The following PRKN variants were observed in gnomAD, a reference collection of about 807,000 sequenced individuals.
The protein encoded by PRKN is E3 ubiquitin-protein ligase parkin.
In PRKN, 56 loss-of-function variants were observed where a neutral mutation model predicts 59.5. That is an observed-to-expected ratio of 0.94 (90% CI 0.76 to 1.18). The LOEUF (loss-of-function observed/expected upper bound fraction) is 1.18. PRKN is among the 50% of genes most tolerant of loss of function. PRKN has a pLI of 0.00. For synonymous variants in PRKN, 250 were observed against 222.1 expected (o/e 1.13, Z -1.12); for missense variants, 657 against 596.4 (o/e 1.10, Z -1.06).
chr6:161,841,478 T>G (rs1792985122), intron 6 of PRKN, among the ~76,000 whole-genome samples: 1 of 152,016 alleles, frequency 6.6e-6, no homozygotes, highest in African/African-American at 2.4e-5. Context: ...GCCTCCTGAG[T>G]AGCTGGGATT....
At chr6:162,671,792 C>CA (rs1779330324) in intron 1 of PRKN, among the ~76,000 whole-genome samples, 1 of 150,840 alleles carries the variant, frequency 6.6e-6, no homozygotes, top group South Asian at 2.1e-4. Flanking sequence ...AATATAAAAA[C>CA]AAAAATATTA....
intron 2 of PRKN, among the ~76,000 whole-genome samples, chr6:162,399,785 GA>G (rs199883436): frequency 7.5e-5 from 11 of 145,740 alleles, no homozygotes; most frequent in Admixed American, 6.8e-4. Context: ...AGGAACAACT[GA>G]AAAAAAAATA....
chr6:162,491,269 CAAA>C (rs1415926992), intron 1 of PRKN, among the ~76,000 whole-genome samples: 3 of 76,010 alleles, frequency 3.9e-5, no homozygotes, highest in Non-Finnish European at 8.4e-5. Flanking sequence ...GACTCTGGCT[CAAA>C]AAAAAAAAAA....
intron 1 of PRKN, among the ~76,000 whole-genome samples, chr6:162,503,043 T>C (rs1347393544): frequency 6.6e-6 from 1 of 151,912 alleles, no homozygotes; most frequent in East Asian, 1.9e-4. Flanking sequence ...GGACTGTTTT[T>C]GAAGCATCAA....
chr6:161,743,044 T>C (rs1788253162), intron 7 of PRKN, among the ~76,000 whole-genome samples: 1 of 152,132 alleles, frequency 6.6e-6, no homozygotes, highest in South Asian at 2.1e-4. Context: ...CCTCATTGCC[T>C]TCATAATAAA....
rs552407915 is a variant in PRKN at position 162,128,408 on chromosome 6, A to G, written c.534+72723T>C. On this transcript the variant is annotated intron_variant, in intron 4 of 11. Coordinates refer to ENST00000366898, the MANE Select transcript of PRKN (RefSeq NM_004562.3). ...TTGACTACAGATAATGCATCAAAGC[A>G]TTGGATTTTTATGGTAGAAGAACAA... is the stretch of plus-strand genomic sequence containing the variant. 2.6e-5 allele frequency among the ~76,000 whole-genome samples: 4 copies of G among 152,310 alleles called. No individual in the cohort carries two copies. The South Asian group carries it at 8.3e-4, about 32-fold the overall frequency.
chr6:161,458,764 G>T lies in PRKN; in HGVS notation c.1084-71887C>A, dbSNP rs1348329545. ...CTGTGGAATTCTGTAGTCTGCATGT[G>T]TTAGGCTGTGGGTAGGCAAGCTTGT... is the stretch of plus-strand genomic sequence containing the variant. On this transcript the variant is annotated intron_variant, in intron 9 of 11. Coordinates refer to ENST00000366898, the MANE Select transcript of PRKN (RefSeq NM_004562.3). This position sits in a 1 kb window ranked among gnomAD's most constrained non-coding sequence, Gnocchi z 6.1. Among the ~76,000 whole-genome samples, 3 of 152,196 alleles carry T rather than the reference G, an allele frequency of 2.0e-5. No homozygotes were observed. The highest frequency in any genetic ancestry group is 4.4e-5 in the Non-Finnish European group (3 of 68,034).
At chr6:161,724,084 GCTT>G (rs759346701) in intron 7 of PRKN, among the ~76,000 whole-genome samples, 2 of 152,218 alleles carry the variant, frequency 1.3e-5, no homozygotes, top group Non-Finnish European at 2.9e-5. Context: ...GGGAAGTAGA[GCTT>G]CTTGCCTGGT....
chr6:162,011,277 T>C (rs796795357), intron 5 of PRKN, among the ~76,000 whole-genome samples: 1 of 9,908 alleles, frequency 1.0e-4, no homozygotes, highest in African/African-American at 3.4e-4. Flanking sequence ...ATAATATATA[T>C]TTATAAAATA....
chr6:161,406,811 T>A (rs1190105397), intron 9 of PRKN, among the ~76,000 whole-genome samples: 1 of 152,170 alleles, frequency 6.6e-6, no homozygotes, highest in African/African-American at 2.4e-5. Context: ...GTTACCACAA[T>A]CTGGAATTTG....
intron 6 of PRKN, among the ~76,000 whole-genome samples, chr6:161,818,574 T>C (rs9458387): frequency 0.03 from 4,608 of 152,104 alleles, 240 homozygotes; most frequent in African/African-American, 0.11. Context: ...ACTAAAGCGA[T>C]CCTCCTGCGT....
intron 7 of PRKN, among the ~76,000 whole-genome samples, chr6:161,661,851 C>T (rs1373996702): frequency 2.6e-5 from 4 of 151,982 alleles, no homozygotes; most frequent in Admixed American, 6.6e-5. Context: ...GGTGAAACCC[C>T]GTCTCTACTA....
At chr6:162,135,227 C>A (rs1471730231) in intron 4 of PRKN, among the ~76,000 whole-genome samples, 1 of 152,100 alleles carries the variant, frequency 6.6e-6, no homozygotes, top group Non-Finnish European at 1.5e-5. Flanking sequence ...GTCTCTAACC[C>A]CTAGGCTCAA....
chr6:161,723,788 C>T (rs1048986448), intron 7 of PRKN, among the ~76,000 whole-genome samples: 10 of 152,180 alleles, frequency 6.6e-5, no homozygotes, highest in African/African-American at 2.4e-4. Context: ...ACGCAGGCTG[C>T]CTTTGCCGCT....
intron 9 of PRKN, among the ~76,000 whole-genome samples, chr6:161,531,241 T>C (rs1272693036): frequency 6.6e-6 from 1 of 151,196 alleles, no homozygotes; most frequent in African/African-American, 2.4e-5. Flanking sequence ...ATTAGCCGGG[T>C]ATGGTGGCGG....
rs968751497 is a variant in PRKN at position 161,561,488 on chromosome 6, G to A, written c.933+7867C>T. ...AGTACTCTTCTATGTGGAAGACGCA[G>A]CAGTGAAAAATGACATCTTCCTTCG... On this transcript the variant is annotated intron_variant, in intron 8 of 11. Coordinates refer to ENST00000366898, the MANE Select transcript of PRKN (RefSeq NM_004562.3). This position sits in a 1 kb window ranked among gnomAD's most constrained non-coding sequence, Gnocchi z 5.0. Among the ~76,000 whole-genome samples the A allele has an allele frequency of 6.6e-6, 1 of 152,134 alleles. No individual in the cohort carries two copies. The highest frequency in any genetic ancestry group is 6.5e-5 in the Admixed American group (1 of 15,278).
At chr6:161,856,134 C>T (rs1296164914) in intron 6 of PRKN, among the ~76,000 whole-genome samples, 1 of 152,044 alleles carries the variant, frequency 6.6e-6, no homozygotes, top group African/African-American at 2.4e-5. Flanking sequence ...CCGAGGTGGG[C>T]AGATCACCTG....
chr6:162,315,304 G>A (rs6455807), intron 2 of PRKN, among the ~76,000 whole-genome samples: 112,981 of 152,056 alleles, frequency 0.74, 42,861 homozygotes, highest in African/African-American at 0.89. Context: ...GGCTTAATTT[G>A]GCAAGGAAAC....
At chr6:161,954,180 C>T (rs893472104) in intron 6 of PRKN, among the ~76,000 whole-genome samples, 3 of 152,172 alleles carry the variant, frequency 2.0e-5, no homozygotes, top group Non-Finnish European at 4.4e-5. Flanking sequence ...GTAGCTGAAA[C>T]GTAGCTTCTA....
Sources: gnomAD v4.1 joint callset for allele counts (sites outside exome capture counted in the v4.1 genomes callset) on GRCh38, gnomAD v4.1.1 for gene constraint, Gnocchi (gnomAD v3.1) non-coding constraint, MANE v1.5 for transcripts, NCBI Gene and HGNC (gene_info 2026-07-23, HGNC 2026-07-21) for gene names.